UNC79: variants seen among roughly 807,000 people sequenced by gnomAD.
UNC79 encodes protein unc-79 homolog.
In UNC79, 37 loss-of-function variants were observed where a neutral mutation model predicts 283.1. The observed-to-expected ratio is 0.13, with a 90% CI of 0.10 to 0.17. The LOEUF (loss-of-function observed/expected upper bound fraction) is 0.17. UNC79 is among the 10% of genes least tolerant of loss of function. The pLI, the probability that UNC79 is intolerant of heterozygous loss-of-function variation, is 1.00. For missense variants in UNC79, 2,272 were observed against 3,211.1 expected, an observed-to-expected ratio of 0.71 and a Z score of 7.07; for synonymous variants, 1,107 against 1,200.2, an observed-to-expected ratio of 0.92 and a Z score of 1.61.
At chr14:93,659,114 A>G in intron 38 of UNC79, 79 bp from the exon 42 acceptor site, 1 of 1,148,830 alleles carries the variant, frequency 8.7e-7, no homozygotes, top group Admixed American at 2.5e-5. Flanking sequence ...GCTAAACTAA[A>G]TGCTTTCAGA....
chr14:93,613,012 T>C (rs747314691), exon 27 of UNC79: 1 of 1,614,192 alleles, frequency 6.2e-7, no homozygotes, highest in Admixed American at 1.7e-5. Context: ...GCAGGAAGGT[T>C]GCTTCATGAT....
chr14:93,353,734 C>T (rs989848804), intron 1 of UNC79, among the ~76,000 whole-genome samples: 1 of 152,162 alleles, frequency 6.6e-6, no homozygotes, highest in South Asian at 2.1e-4. Context: ...TTGAGTGATT[C>T]GTTCAATATT....
intron 1 of UNC79, among the ~76,000 whole-genome samples, chr14:93,403,024 C>CA (rs1029451321): frequency 4.6e-5 from 7 of 152,094 alleles, no homozygotes; most frequent in African/African-American, 1.7e-4. Context: ...CACGACAACT[C>CA]AAAATGGCAG....
chr14:93,648,890 A>G (rs1409829902), intron 35 of UNC79, among the ~76,000 whole-genome samples: 1 of 152,186 alleles, frequency 6.6e-6, no homozygotes, highest in Non-Finnish European at 1.5e-5. Flanking sequence ...TATAAACCAC[A>G]TTAAATATTT....
At chr14:93,422,553 A>G (rs1303907917) in intron 1 of UNC79, among the ~76,000 whole-genome samples, 2 of 152,162 alleles carry the variant, frequency 1.3e-5, no homozygotes, top group Non-Finnish European at 2.9e-5. Context: ...TTTCAGGTTA[A>G]CTTTGAAATG....
chr14:93,550,774 C>T (rs2146504), intron 14 of UNC79, among the ~76,000 whole-genome samples: 131,250 of 151,790 alleles, frequency 0.86, 56,827 homozygotes, highest in East Asian at 0.94. Flanking sequence ...AGAGGTCTCT[C>T]AAGGAATTTT....
chr14:93,529,670 A>G (rs2060714477), intron 10 of UNC79, among the ~76,000 whole-genome samples: 1 of 152,208 alleles, frequency 6.6e-6, no homozygotes, highest in Non-Finnish European at 1.5e-5. Context: ...TAAGGAGAAG[A>G]AAAAGAATAA....
intron 47 of UNC79, among the ~76,000 whole-genome samples, chr14:93,702,348 C>T (rs2075594740): frequency 6.6e-6 from 1 of 152,174 alleles, no homozygotes; most frequent in Admixed American, 6.5e-5. Flanking sequence ...CTGATACACA[C>T]CATACTCCAT....
intron 26 of UNC79, among the ~76,000 whole-genome samples, chr14:93,606,695 C>G (rs771612902): frequency 2.0e-5 from 3 of 152,120 alleles, no homozygotes; most frequent in Non-Finnish European, 1.5e-5. Context: ...TTAGGTTGAA[C>G]TTTTTGGCAG....
chr14:93,454,876 A>T (rs2056752839), intron 1 of UNC79, among the ~76,000 whole-genome samples: 1 of 152,234 alleles, frequency 6.6e-6, no homozygotes, highest in Non-Finnish European at 1.5e-5. Context: ...AATGCTAAGA[A>T]ATGTAATTGA....
At chr14:93,573,684 G>C (rs1326701843) in intron 16 of UNC79, among the ~76,000 whole-genome samples, 1 of 152,134 alleles carries the variant, frequency 6.6e-6, no homozygotes, top group East Asian at 1.9e-4. Flanking sequence ...CTTCGCATTT[G>C]ACAAAGAGTA....
At chr14:93,484,119 G>C (rs989151540) in intron 4 of UNC79, among the ~76,000 whole-genome samples, 2 of 152,136 alleles carry the variant, frequency 1.3e-5, no homozygotes, top group Non-Finnish European at 2.9e-5. Context: ...CTTCCACAAT[G>C]GTTGAACTAG....
intron 1 of UNC79, among the ~76,000 whole-genome samples, chr14:93,349,497 C>T (rs894711484): frequency 6.6e-6 from 1 of 151,814 alleles, no homozygotes; most frequent in African/African-American, 2.4e-5. Flanking sequence ...TTTCATTATC[C>T]CCCTATAAGG....
At chr14:93,347,593 C>G (rs78198055) in intron 1 of UNC79, among the ~76,000 whole-genome samples, 2 of 151,826 alleles carry the variant, frequency 1.3e-5, no homozygotes, top group South Asian at 2.1e-4. Context: ...GTGAGGATGC[C>G]GTCGTCGGGC....
chr14:93,577,977 G>C, exon 18 of UNC79: 1 of 1,614,218 alleles, frequency 6.2e-7, no homozygotes, highest in Non-Finnish European at 8.5e-7. Flanking sequence ...TGGACACCCA[G>C]GAGGAAGGAC....
At chr14:93,354,685 A>G (rs2054049535) in intron 1 of UNC79, among the ~76,000 whole-genome samples, 1 of 152,020 alleles carries the variant, frequency 6.6e-6, no homozygotes, top group African/African-American at 2.4e-5. Context: ...TTTTTTTTGT[A>G]GGGACGGGGT....
intron 5 of UNC79, among the ~76,000 whole-genome samples, chr14:93,489,659 T>G (rs55659081): frequency 0.039 from 5,872 of 152,298 alleles, 212 homozygotes; most frequent in Admixed American, 0.11. Context: ...GGGGTGGAGG[T>G]CCCACCTTCC....
intron 14 of UNC79, among the ~76,000 whole-genome samples, chr14:93,545,295 C>G (rs1372388537): frequency 1.3e-5 from 2 of 152,270 alleles, no homozygotes; most frequent in Middle Eastern, 3.4e-3. Flanking sequence ...AAATTAGTCT[C>G]TTTAAATTTG....
At chr14:93,448,437 C>G (rs1038621294) in intron 1 of UNC79, among the ~76,000 whole-genome samples, 1 of 152,004 alleles carries the variant, frequency 6.6e-6, no homozygotes, top group Non-Finnish European at 1.5e-5. Context: ...TTTTGTTTTA[C>G]TTAATTGAGG....
Sources: allele counts gnomAD v4.1 joint callset (sites outside exome capture counted in the v4.1 genomes callset), GRCh38; gene constraint gnomAD v4.1.1; transcripts MANE v1.5; gene names NCBI Gene and HGNC (gene_info 2026-07-23, HGNC 2026-07-21).